Variants in ABCG2 observed in about 807,000 individuals in gnomAD.
ABCG2 encodes the protein broad substrate specificity ATP-binding cassette transporter ABCG2.
A neutral mutation model predicts 73.5 loss-of-function variants in ABCG2; 80 were observed. The ratio of observed to expected loss-of-function variants is 1.09; its 90% CI spans 0.91 to 1.31. The LOEUF (loss-of-function observed/expected upper bound fraction) is 1.31, where lower values mean the gene tolerates loss of function less well. ABCG2 is among the 50% of genes most tolerant of loss of function. The pLI is 0.00. For synonymous variants in ABCG2, 269 were observed against 282.4 expected (o/e 0.95, Z 0.48); for missense variants, 796 against 786.2 (o/e 1.01, Z -0.15).
At chr4:88,117,442 G>A (rs1295387988) in intron 7 of ABCG2, among the ~76,000 whole-genome samples, 1 of 152,068 alleles carries the variant, frequency 6.6e-6, no homozygotes, top group African/African-American at 2.4e-5. Context: ...CCATCCTCCT[G>A]GCTAACAGGG....
At chr4:88,203,964 C>T (rs923807208) in intron 1 of ABCG2, among the ~76,000 whole-genome samples, 2 of 152,060 alleles carry the variant, frequency 1.3e-5, no homozygotes, top group African/African-American at 4.8e-5. Flanking sequence ...CAAAGGTATG[C>T]CAGCTCCAAA....
intron 1 of ABCG2, among the ~76,000 whole-genome samples, chr4:88,180,520 A>C (rs1243441865): frequency 6.6e-6 from 1 of 152,196 alleles, no homozygotes; most frequent in African/African-American, 2.4e-5. Context: ...GAATTGTGTG[A>C]GCCCAGGAGT....
At chr4:88,199,297 TGACA>T (rs1433360618) in intron 1 of ABCG2, among the ~76,000 whole-genome samples, 3 of 152,130 alleles carry the variant, frequency 2.0e-5, no homozygotes, top group Non-Finnish European at 4.4e-5. Flanking sequence ...AATTATGAAC[TGACA>T]GTTTCTCCCA....
At position 88,191,451 on chromosome 4, in the gene ABCG2, A is replaced by G. The variant is rs114819403; in HGVS notation, c.-20+39543T>C. Among the ~76,000 whole-genome samples, 1,041 of 152,176 alleles carry G rather than the reference A, an allele frequency of 6.8e-3. 13 individuals are homozygous for G. The highest frequency in any genetic ancestry group is 0.024 in the African/African-American group (1,007 of 41,538). The stretch of plus-strand genomic sequence containing the variant: ...ATAGCTATAATCAAAAAGACCTACA[A>G]TAACAGGTGTTGGCGAGATGATGTG... On this transcript the variant is annotated intron_variant, in intron 1 of 15. Coordinates refer to the ABCG2 transcript ENST00000515655.
intron 1 of ABCG2, among the ~76,000 whole-genome samples, chr4:88,147,559 C>T (rs1220740187): frequency 6.6e-6 from 1 of 152,186 alleles, no homozygotes; most frequent in Non-Finnish European, 1.5e-5. Flanking sequence ...CAGAGGCTGG[C>T]TATCATAAAA....
chr4:88,174,186 G>A (rs1727865519), intron 1 of ABCG2, among the ~76,000 whole-genome samples: 2 of 151,768 alleles, frequency 1.3e-5, no homozygotes, highest in African/African-American at 4.8e-5. Flanking sequence ...TAAGTTCTGG[G>A]GTATCTGTGC....
intron 1 of ABCG2, among the ~76,000 whole-genome samples, chr4:88,196,786 CAA>C (rs11355127): frequency 1.7e-3 from 231 of 132,326 alleles, no homozygotes; most frequent in African/African-American, 5.5e-3. Context: ...TGAAGATTAC[CAA>C]AAAAAAAAAA....
At chr4:88,178,424 C>A (rs753065487) in intron 1 of ABCG2, among the ~76,000 whole-genome samples, 6 of 152,150 alleles carry the variant, frequency 3.9e-5, no homozygotes, top group African/African-American at 4.8e-5. Flanking sequence ...CCAGGCAGTA[C>A]TTGTTGTAGG....
intron 5 of ABCG2, among the ~76,000 whole-genome samples, chr4:88,123,047 GGACCTGCAGCAAACTCCAGCA>G (rs1233298318): frequency 1.3e-5 from 2 of 152,178 alleles, no homozygotes; most frequent in African/African-American, 4.8e-5. Context: ...GGTCTGGAGT[GGACCTGCAGCAAACTCCAGCA>G]GACCTGCAGC....
intron 9 of ABCG2, among the ~76,000 whole-genome samples, chr4:88,107,886 G>T (rs900362785): frequency 3.3e-5 from 5 of 152,208 alleles, no homozygotes; most frequent in Non-Finnish European, 7.3e-5. Flanking sequence ...CTGGAAAAGT[G>T]CATTGTCACT....
intron 1 of ABCG2, among the ~76,000 whole-genome samples, chr4:88,208,788 G>A (rs1214441428): frequency 6.6e-6 from 1 of 152,068 alleles, no homozygotes; most frequent in East Asian, 1.9e-4. Flanking sequence ...CATAAATATG[G>A]CCAACCTAAC....
upstream of ABCG2, among the ~76,000 whole-genome samples, chr4:88,161,276 G>A (rs377576179): frequency 1.1e-4 from 12 of 114,052 alleles, no homozygotes; most frequent in African/African-American, 3.8e-4. Context: ...ACCCACTAAC[G>A]TGTCATCTAG....
chr4:88,175,926 A>C (rs55987521), intron 1 of ABCG2, among the ~76,000 whole-genome samples: 1 of 151,938 alleles, frequency 6.6e-6, no homozygotes, highest in African/African-American at 2.4e-5. Context: ...TAGGTTATGA[A>C]TGGATAATGG....
intron 5 of ABCG2, among the ~76,000 whole-genome samples, chr4:88,126,849 C>G (rs779853830): frequency 2.8e-4 from 42 of 152,172 alleles, no homozygotes; most frequent in Non-Finnish European, 5.0e-4. Context: ...TGGAAGCATT[C>G]CCTTTGAAAA....
intron 1 of ABCG2, among the ~76,000 whole-genome samples, chr4:88,196,786 CA>C (rs11355127): frequency 0.19 from 25,305 of 132,132 alleles, 2,173 homozygotes; most frequent in South Asian, 0.31. Flanking sequence ...TGAAGATTAC[CA>C]AAAAAAAAAA....
At chr4:88,097,372 T>A (rs1712657078) in intron 13 of ABCG2, 81 bp downstream of exon 13, 1 of 1,528,112 alleles carries the variant, frequency 6.5e-7, no homozygotes, top group Non-Finnish European at 8.9e-7. Flanking sequence ...TCAAAACAGG[T>A]TTTACATGAC....
intron 13 of ABCG2, among the ~76,000 whole-genome samples, chr4:88,097,149 T>C (rs1340018507): frequency 5.9e-5 from 9 of 152,254 alleles, no homozygotes; most frequent in Non-Finnish European, 1.3e-4. Context: ...TTCTGATTTT[T>C]GAAATTCCAA....
chr4:88,202,254 T>C (rs1006075291), intron 1 of ABCG2, among the ~76,000 whole-genome samples: 1 of 149,820 alleles, frequency 6.7e-6, no homozygotes, highest in Non-Finnish European at 1.5e-5. Context: ...CTCACATCTG[T>C]AATCCCATCA....
Position 88,229,978 on chromosome 4 carries a change from C to CGTTATTATTATT in ABCG2, c.-20+1015_-20+1016insAATAATAATAAC, listed in dbSNP as rs141882411. On this transcript the variant is annotated intron_variant, in intron 1 of 15. Transcript: ENST00000515655. ...GAAATCAGCTATTTTTTCTGGCATG[C>CGTTATTATTATT]ATTATTATTATTATTATTATTATTA... Among the ~76,000 whole-genome samples the CGTTATTATTATT allele has an allele frequency of 2.1e-5, 3 of 143,550 alleles. No individual in the cohort carries two copies. In the Admixed American group the frequency reaches 2.1e-4, roughly 10 times the overall value. 94.2% of individuals were successfully genotyped at this position (143,550 alleles called of 152,430 possible). A position where few individuals can be genotyped will look rare whatever the true frequency, so the allele number is the denominator to read the frequency against.
Sources: gnomAD v4.1 joint callset for allele counts (sites outside exome capture counted in the v4.1 genomes callset) on GRCh38, gnomAD v4.1.1 for gene constraint, MANE v1.5 for transcripts, NCBI Gene and HGNC (gene_info 2026-07-23, HGNC 2026-07-21) for gene names.